The following PTPRF variants were observed in gnomAD, a reference collection of about 807,000 sequenced individuals.
PTPRF encodes protein tyrosine phosphatase receptor type F.
In PTPRF, 59 loss-of-function variants were observed where a neutral mutation model predicts 201.8. The ratio of observed to expected loss-of-function variants is 0.29; its 90% CI spans 0.24 to 0.36. The LOEUF is 0.36. Ranked by LOEUF, PTPRF falls within the 10% of genes least tolerant of loss-of-function variation. The pLI is 1.00. For synonymous variants in PTPRF, 1,088 were observed against 1,089.7 expected (o/e 1.00, Z 0.03); for missense variants, 2,132 against 2,690.5 (o/e 0.79, Z 4.59).
In PTPRF at chr1:43,621,945, A is replaced by G. The variant is rs200249684; in HGVS notation, c.5666A>G (p.Gln1889Arg). The change falls in exon 34 of 34, where the codon CAG becomes CGG. Residue 1889 changes from glutamine (Q) to arginine (R), a missense_variant. Physicochemically the swap from Gln to Arg is conservative, Grantham distance 43. Around this residue, in one of 6 missense-constraint regions of PTPRF, gnomAD observed 519 missense variants for 659.5 expected, o/e 0.79. Coordinates refer to ENST00000359947, the MANE Select transcript of PTPRF (RefSeq NM_002840.5). ...PAMVQTEDQY[Q>R]LCYRAALEYL... ...CCCCTATCCTGGCAGGACCAGTATC[A>G]GCTGTGCTACCGTGCGGCCCTGGAG... 421 of 1,614,160 alleles carry G rather than the reference A, an allele frequency of 2.6e-4. 10 individuals are homozygous for G. In the South Asian group the frequency reaches 4.5e-3, roughly 17 times the overall value.
chr1:43,575,850 T>G, intron 6 of PTPRF: 1 of 1,322,130 alleles, frequency 7.6e-7, no homozygotes, highest in East Asian at 4.9e-5. Context: ...TGTGTGGCTT[T>G]CCTTCCTTTT....
intron 1 of PTPRF, among the ~76,000 whole-genome samples, chr1:43,534,419 G>A (rs1643882005): frequency 6.6e-6 from 1 of 152,198 alleles, no homozygotes; most frequent in African/African-American, 2.4e-5. Context: ...GGTGAGAGAA[G>A]ATGCTGGCTT....
At chr1:43,523,933 T>G (rs1408374628), upstream of PTPRF, among the ~76,000 whole-genome samples, 5 of 149,842 alleles carry the variant, frequency 3.3e-5, no homozygotes. Context: ...CATGGTGCCA[T>G]GCACCTGTGG....
Position 43,569,654 on chromosome 1 carries a change from G to A in PTPRF, c.444G>A (p.Lys148=), listed in dbSNP as rs747505926. 5.0e-6 allele frequency: 8 copies of A among 1,613,814 alleles called. No individual in the cohort carries two copies. The African/African-American group carries it at 9.3e-5, about 19-fold the overall frequency. Residue 148 remains lysine (K), a synonymous_variant, in exon 6 of 34, where the codon AAG becomes AAA. Transcript: ENST00000359947. ...DMGPQLKVVE[K]ARTATMLCAA... ...GGCCTCAGCTGAAGGTGGTGGAGAA[G>A]GCACGCACAGCCACCATGCTATGTG... is the stretch of plus-strand genomic sequence containing the variant.
chr1:43,544,258 T>A (rs1449603378), intron 2 of PTPRF, among the ~76,000 whole-genome samples: 1 of 151,902 alleles, frequency 6.6e-6, no homozygotes, highest in Non-Finnish European at 1.5e-5. Flanking sequence ...AGGTTTGAAT[T>A]CTAGGGTCTA....
intron 3 of PTPRF, among the ~76,000 whole-genome samples, chr1:43,547,506 T>C (rs1644756238): frequency 6.6e-6 from 1 of 152,174 alleles, no homozygotes; most frequent in African/African-American, 2.4e-5. Context: ...GCACACAGTT[T>C]TGGATCTCTC....
rs1219699868 is a variant in PTPRF, at chr1:43,619,812, G to A, written c.5065G>A (p.Val1689Met). The A allele has an allele frequency of 5.6e-6, 9 of 1,614,236 alleles. No individual in the cohort carries two copies. Among genetic ancestry groups the A allele is most frequent in the Non-Finnish European group, 7.6e-6 (9 of 1,180,030 alleles). Residue 1689 changes from valine to methionine, a missense_variant, in exon 29 of 34, where the codon GTG becomes ATG. By Grantham distance (21) the Val-to-Met change is conservative (BLOSUM62 1). This residue lies in a region of PTPRF where 519 missense variants were observed against 659.5 expected (regional missense o/e 0.79). Coordinates refer to ENST00000359947, the MANE Select transcript of PTPRF (RefSeq NM_002840.5). The part of the protein sequence containing the change: ...TRVCLQPIRG[V>M]EGSDYINASF... ...TGTGTGTCTGCAGCCCATCCGTGGT[G>A]TGGAGGGCTCTGACTACATCAATGC... is the stretch of plus-strand genomic sequence containing the variant.
chr1:43,580,488 C>T (rs1359173927), intron 7 of PTPRF, among the ~76,000 whole-genome samples: 1 of 152,176 alleles, frequency 6.6e-6, no homozygotes, highest in Admixed American at 6.5e-5. Context: ...TGGGAGGTCC[C>T]CTAGCTTACT....
Position 43,613,732 on chromosome 1 carries a change from C to A in PTPRF, c.4071+17C>A, listed in dbSNP as rs1657052884. The A allele has an allele frequency of 6.2e-7, 1 of 1,606,796 alleles. No homozygotes were observed. The highest frequency in any genetic ancestry group is 8.5e-7 in the Non-Finnish European group (1 of 1,173,368). On this transcript the variant is annotated intron_variant, in intron 23 of 33. Coordinates refer to ENST00000359947, the MANE Select transcript of PTPRF (RefSeq NM_002840.5). ...GAGTATGAGGTGAGATGTTCCCGCCCCCTACCATGTGCCTGGCCCAGGCCT... is the reference window on the plus strand; with the variant it reads ...GAGTATGAGGTGAGATGTTCCCGCCACCTACCATGTGCCTGGCCCAGGCCT...
intron 23 of PTPRF, among the ~76,000 whole-genome samples, chr1:43,614,974 C>T (rs983413612): frequency 2.0e-5 from 3 of 152,180 alleles, no homozygotes; most frequent in African/African-American, 7.2e-5. Context: ...CTGCCTTGTC[C>T]ACAGCTGTTT....
chr1:43,610,422 G>A (rs1656158731), intron 22 of PTPRF, among the ~76,000 whole-genome samples: 2 of 152,238 alleles, frequency 1.3e-5, no homozygotes, highest in Admixed American at 1.3e-4. Flanking sequence ...GTTTTTGTGA[G>A]GCAGGAATTC....
Position 43,556,419 on chromosome 1 carries a change from G to A in PTPRF, c.379+2478G>A, listed in dbSNP as rs977605429. Among the ~76,000 whole-genome samples, 8 of 152,158 alleles carry A rather than the reference G, an allele frequency of 5.3e-5. No individual in the cohort carries two copies. The East Asian group carries it at 1.3e-3, about 26-fold the overall frequency. ...TGGGACTACTGGCAGGTGCCACCAC[G>A]CCCAGCTAATGTTTGTATTTTTAGT... On this transcript the variant is annotated intron_variant, in intron 5 of 33. Coordinates refer to ENST00000359947, the MANE Select transcript of PTPRF (RefSeq NM_002840.5).
chr1:43,614,825 C>G (rs543360446), intron 23 of PTPRF, among the ~76,000 whole-genome samples: 1 of 152,074 alleles, frequency 6.6e-6, no homozygotes, highest in South Asian at 2.1e-4. Flanking sequence ...GCGCTCCAGC[C>G]TGGGTGACAG....
chr1:43,623,334 G>T lies in PTPRF; in HGVS notation c.*1331G>T, dbSNP rs955178920. On this transcript the variant is annotated 3_prime_UTR_variant, in exon 34 of 34. Coordinates refer to ENST00000359947, the MANE Select transcript of PTPRF (RefSeq NM_002840.5). ...ACTTCTATCAATGGTACTCTAATCA[G>T]TCCTTATTATCCCAGCTTGCTGAGG... 2.0e-5 allele frequency: 3 copies of T among 152,662 alleles called. No homozygotes were observed. The highest frequency in any genetic ancestry group is 7.2e-5 in the African/African-American group (3 of 41,438). The allele number at this position is 152,662 out of a possible 1,614,324, so 9.5% of individuals were successfully genotyped here.
chr1:43,564,238 G>A lies in PTPRF; in HGVS notation c.380-5352G>A, dbSNP rs77465376. Among the ~76,000 whole-genome samples the A allele has an allele frequency of 5.5e-3, 844 of 152,218 alleles. 8 individuals carry two copies. The highest frequency in any genetic ancestry group is 0.019 in the African/African-American group (808 of 41,530). Reference sequence around the variant, plus strand: ...GGGCTCTCTGGGAGAGTGTGGGAGCGTGCAGATCTGGCAGCCTTCGACTTT... The same window carrying A: ...GGGCTCTCTGGGAGAGTGTGGGAGCATGCAGATCTGGCAGCCTTCGACTTT... On this transcript the variant is annotated intron_variant, in intron 5 of 33. Transcript: ENST00000359947.
chr1:43,531,195 G>C (rs1048287246), intron 1 of PTPRF, 105 bp downstream of exon 1: 3 of 149,972 alleles, frequency 2.0e-5, no homozygotes, highest in Admixed American at 2.0e-4. Context: ...GGCGGTCCCG[G>C]GGGGGACGAG....
chr1:43,600,783 C>T (rs975105369), intron 13 of PTPRF, among the ~76,000 whole-genome samples: 3 of 152,040 alleles, frequency 2.0e-5, no homozygotes, highest in African/African-American at 4.8e-5. Flanking sequence ...TTTTGTCTTG[C>T]TCTTTCTCTT....
At chr1:43,584,881 TC>T (rs898587706) in intron 7 of PTPRF, among the ~76,000 whole-genome samples, 1 of 152,164 alleles carries the variant, frequency 6.6e-6, no homozygotes, top group African/African-American at 2.4e-5. Context: ...CGGGGCTGCC[TC>T]CCCCTGCGAT....
intron 3 of PTPRF, among the ~76,000 whole-genome samples, chr1:43,547,124 C>T (rs1644730793): frequency 6.6e-6 from 1 of 152,180 alleles, no homozygotes; most frequent in Non-Finnish European, 1.5e-5. Context: ...GGTCGTAACC[C>T]TTCTATAGGC....
Sources: gnomAD v4.1 joint callset for allele counts (sites outside exome capture counted in the v4.1 genomes callset) on GRCh38, gnomAD v4.1.1 for gene constraint, gnomAD v4.1.1 regional missense constraint, MANE v1.5 for transcripts, NCBI Gene and HGNC (gene_info 2026-07-23, HGNC 2026-07-21) for gene names.